LRMDA: variants seen among roughly 807,000 people sequenced by gnomAD.
The protein encoded by LRMDA is leucine-rich melanocyte differentiation-associated protein.
In LRMDA, 18 loss-of-function variants were observed where a neutral mutation model predicts 29.8. The observed-to-expected ratio is 0.60, with a 90% CI of 0.42 to 0.90. The LOEUF (loss-of-function observed/expected upper bound fraction) is 0.90, where lower values mean the gene tolerates loss of function less well. LRMDA is among the 40% of genes least tolerant of loss of function. The probability of loss-of-function intolerance (pLI) is 0.00; values close to 1 mark genes in which losing one functional copy is unlikely to be tolerated. For synonymous variants in LRMDA, 125 were observed against 109.4 expected (o/e 1.14, Z -0.89); for missense variants, 273 against 273.9 (o/e 1.00, Z 0.02).
chr10:75,702,662 A>G (rs948648024), intron 2 of LRMDA, among the ~76,000 whole-genome samples: 27 of 152,244 alleles, frequency 1.8e-4, no homozygotes, highest in Non-Finnish European at 2.6e-4. Context: ...ATTTCTAGAA[A>G]TAACAAATAG....
intron 2 of LRMDA, among the ~76,000 whole-genome samples, chr10:75,525,169 T>C (rs1334405198): frequency 2.0e-5 from 3 of 152,228 alleles, no homozygotes; most frequent in Non-Finnish European, 4.4e-5. Context: ...CATCCTCACT[T>C]GGATCCTCTG....
At chr10:76,019,007 C>G (rs554504492) in intron 2 of LRMDA, among the ~76,000 whole-genome samples, 12 of 152,308 alleles carry the variant, frequency 7.9e-5, no homozygotes, top group African/African-American at 2.9e-4. Context: ...GGTAGGGTAA[C>G]TTTCATCACA....
At chr10:76,021,731 C>T (rs1450424131) in intron 2 of LRMDA, among the ~76,000 whole-genome samples, 2 of 152,190 alleles carry the variant, frequency 1.3e-5, no homozygotes, top group African/African-American at 4.8e-5. Flanking sequence ...TTCTCTCACT[C>T]ACTTTCTCAC....
In LRMDA at chr10:76,511,949, C is replaced by G. The variant is rs570723973; in HGVS notation, c.602-45260C>G. On this transcript the variant is annotated intron_variant, in intron 6 of 6. Transcript: ENST00000611255. ...TGAAAAAGAAGACAAAGTAGGATGA[C>G]TTGCTGGTATGGTTTGGTTCTGTGT... Among the ~76,000 whole-genome samples, 3 of 151,868 alleles carry G rather than the reference C, an allele frequency of 2.0e-5. No individual in the cohort carries two copies. The South Asian group carries it at 6.2e-4, about 31-fold the overall frequency.
intron 2 of LRMDA, among the ~76,000 whole-genome samples, chr10:75,752,957 G>C (rs1317770646): frequency 6.6e-6 from 1 of 152,136 alleles, no homozygotes; most frequent in Non-Finnish European, 1.5e-5. Context: ...TCTTCTGGTT[G>C]TACAGTATTT....
chr10:75,763,180 A>G (rs114877061), intron 2 of LRMDA, among the ~76,000 whole-genome samples: 1,712 of 152,342 alleles, frequency 0.011, 26 homozygotes, highest in Middle Eastern at 0.031. Flanking sequence ...AAGTTTTTCT[A>G]AAATCCAGTG....
At chr10:76,258,708 T>C (rs1312710556) in intron 5 of LRMDA, among the ~76,000 whole-genome samples, 1 of 152,118 alleles carries the variant, frequency 6.6e-6, no homozygotes, top group African/African-American at 2.4e-5. Context: ...TGAGAACATG[T>C]GGTGTTTAGT....
intron 2 of LRMDA, among the ~76,000 whole-genome samples, chr10:75,805,663 C>T (rs1285491342): frequency 1.3e-5 from 2 of 152,224 alleles, no homozygotes; most frequent in African/African-American, 4.8e-5. Context: ...GGGTTACTTT[C>T]CTGGAAGCCA....
At chr10:75,966,921 C>A (rs1846871487) in intron 2 of LRMDA, among the ~76,000 whole-genome samples, 1 of 152,194 alleles carries the variant, frequency 6.6e-6, no homozygotes, top group Non-Finnish European at 1.5e-5. Context: ...GATATACACC[C>A]AACTAATAGT....
At chr10:75,867,519 C>T (rs982661792) in intron 2 of LRMDA, among the ~76,000 whole-genome samples, 1 of 152,136 alleles carries the variant, frequency 6.6e-6, no homozygotes, top group African/African-American at 2.4e-5. Context: ...CAATGAGGTT[C>T]AACCCATGTA....
At chr10:76,187,360 G>C (rs1393838938) in intron 5 of LRMDA, among the ~76,000 whole-genome samples, 1 of 152,148 alleles carries the variant, frequency 6.6e-6, no homozygotes, top group African/African-American at 2.4e-5. Context: ...AAGACACTCT[G>C]TAAGCCAGTG....
chr10:76,534,188 A>G (rs1230862415), intron 6 of LRMDA, among the ~76,000 whole-genome samples: 4 of 152,180 alleles, frequency 2.6e-5, no homozygotes. Context: ...AATGTGAAAA[A>G]ATGTAATCAT....
At chr10:76,046,977 T>G (rs1169335265) in intron 3 of LRMDA, among the ~76,000 whole-genome samples, 187 bp from the exon 4 acceptor site, 1 of 152,194 alleles carries the variant, frequency 6.6e-6, no homozygotes, top group Non-Finnish European at 1.5e-5. Flanking sequence ...CTAGCGAAAG[T>G]TGGGCTGTGT....
chr10:75,637,089 A>C (rs1185868802), intron 2 of LRMDA, among the ~76,000 whole-genome samples: 1 of 152,202 alleles, frequency 6.6e-6, no homozygotes, highest in Non-Finnish European at 1.5e-5. Context: ...TTGAGGTTCT[A>C]CAGAAACTGG....
At chr10:76,161,500 G>A (rs1850646793) in intron 5 of LRMDA, among the ~76,000 whole-genome samples, 1 of 152,178 alleles carries the variant, frequency 6.6e-6, no homozygotes, top group African/African-American at 2.4e-5. Flanking sequence ...GGACAGTTCT[G>A]GGAAACAAAC....
At chr10:75,567,406 A>AATACCAATTATCACAGGGATGGATAGT (rs1161404889) in intron 2 of LRMDA, among the ~76,000 whole-genome samples, 1 of 152,254 alleles carries the variant, frequency 6.6e-6, no homozygotes, top group African/African-American at 2.4e-5. Flanking sequence ...GTGAGATTCT[A>AATACCAATTATCACAGGGATGGATAGT]ATACCAATTA....
intron 2 of LRMDA, among the ~76,000 whole-genome samples, chr10:75,644,989 T>C (rs1841498254): frequency 4.7e-5 from 1 of 21,334 alleles, no homozygotes; most frequent in African/African-American, 6.3e-5. Context: ...TATTTTACTC[T>C]TTTTTTTTTT....
intron 2 of LRMDA, among the ~76,000 whole-genome samples, chr10:75,438,849 A>G (rs921848099): frequency 6.6e-6 from 1 of 152,256 alleles, no homozygotes; most frequent in African/African-American, 2.4e-5. Flanking sequence ...GAAGCCTGCA[A>G]GAGTGTTTTG....
At chr10:75,846,347 G>A (rs149639741) in intron 2 of LRMDA, among the ~76,000 whole-genome samples, 26 of 152,216 alleles carry the variant, frequency 1.7e-4, no homozygotes, top group African/African-American at 5.1e-4. Context: ...TAATGAACAA[G>A]TCTCAAAAGG....
Sources: allele counts gnomAD v4.1 joint callset (sites outside exome capture counted in the v4.1 genomes callset), GRCh38; gene constraint gnomAD v4.1.1; transcripts MANE v1.5; gene names NCBI Gene and HGNC (gene_info 2026-07-23, HGNC 2026-07-21).